The following LAMA3 variants were observed in gnomAD, a reference collection of about 807,000 sequenced individuals.
LAMA3 encodes the protein laminin subunit alpha 3, also known as laminin subunit alpha-3.
A neutral mutation model predicts 402.0 loss-of-function variants in LAMA3; 281 were observed. That is an observed-to-expected ratio of 0.70 (90% confidence interval 0.63 to 0.77). The LOEUF is 0.77. Among genes scored for constraint, LAMA3 ranks in the 30% least tolerant of loss-of-function variants. LAMA3 has a pLI of 0.00. For synonymous variants in LAMA3, 1,431 were observed against 1,558.4 expected (o/e 0.92, Z 1.93); for missense variants, 3,840 against 4,215.5 (o/e 0.91, Z 2.47).
chr18:23,715,176 TTGA>T (rs2061074414), intron 2 of LAMA3, among the ~76,000 whole-genome samples: 2 of 151,962 alleles, frequency 1.3e-5, no homozygotes, highest in Admixed American at 1.3e-4. Flanking sequence ...TGTTCTAAAA[TTGA>T]TGATGATGAT....
intron 12 of LAMA3, among the ~76,000 whole-genome samples, chr18:23,798,715 T>A (rs1426966942): frequency 1.3e-5 from 2 of 152,206 alleles, no homozygotes; most frequent in Non-Finnish European, 2.9e-5. Flanking sequence ...TTTCTGTAGA[T>A]TTAATTCATC....
At chr18:23,827,258 C>T in intron 22 of LAMA3, 56 bp from the exon 23 acceptor site, 1 of 1,567,650 alleles carries the variant, frequency 6.4e-7, no homozygotes. Context: ...CTTTGATATT[C>T]CGTTTGATGT....
chr18:23,826,210 C>G (rs2063379081), intron 21 of LAMA3, among the ~76,000 whole-genome samples: 1 of 152,184 alleles, frequency 6.6e-6, no homozygotes, highest in Admixed American at 6.5e-5. Context: ...ACATGTTCTT[C>G]CTCTCGTTTC....
chr18:23,770,312 T>C (rs962994052), intron 8 of LAMA3, among the ~76,000 whole-genome samples: 1 of 151,976 alleles, frequency 6.6e-6, no homozygotes, highest in African/African-American at 2.4e-5. Flanking sequence ...ACAGAAAATA[T>C]TCACAAAACA....
intron 50 of LAMA3, 94 bp from the exon 51 acceptor site, chr18:23,904,459 A>T: frequency 1.5e-6 from 2 of 1,322,506 alleles, no homozygotes; most frequent in Non-Finnish European, 2.1e-6. Context: ...AAAAAGAAAG[A>T]AAAAATAAAA....
At chr18:23,945,670 G>A (rs2082684093) in intron 69 of LAMA3, among the ~76,000 whole-genome samples, 1 of 152,172 alleles carries the variant, frequency 6.6e-6, no homozygotes, top group African/African-American at 2.4e-5. Context: ...CCAGGGATCA[G>A]AAATTTTAGC....
intron 38 of LAMA3, among the ~76,000 whole-genome samples, chr18:23,875,315 C>T (rs1483994401): frequency 2.0e-5 from 3 of 151,786 alleles, no homozygotes; most frequent in African/African-American, 7.3e-5. Flanking sequence ...AACTAGAATC[C>T]TTTTAAAAAG....
intron 66 of LAMA3, among the ~76,000 whole-genome samples, chr18:23,933,108 G>C (rs1048537917): frequency 3.3e-5 from 5 of 152,214 alleles, no homozygotes; most frequent in African/African-American, 1.2e-4. Context: ...CTCATAGTCA[G>C]ATAAATCCTT....
chr18:23,792,291 A>G (rs773110192), intron 12 of LAMA3, among the ~76,000 whole-genome samples: 5 of 152,202 alleles, frequency 3.3e-5, no homozygotes, highest in Non-Finnish European at 7.3e-5. Flanking sequence ...GCGGGCTGGG[A>G]ACTTCAAGAG....
intron 36 of LAMA3, among the ~76,000 whole-genome samples, chr18:23,867,264 AT>A (rs1180596632): frequency 1.3e-5 from 2 of 151,752 alleles, no homozygotes; most frequent in Admixed American, 6.6e-5. Context: ...AGTTTAAAAA[AT>A]TTTTTTTTCT....
chr18:23,928,661 T>C lies in LAMA3; in HGVS notation c.8332T>C (p.Leu2778=), dbSNP rs757407746. ...TGCCTCATTCTCCAGAGGAGGACAA[T>C]TGAGTTTCACTGATTTGGGCTTACC... ...RSASFSRGGQ[L]SFTDLGLPPT... Residue 2778 remains leucine (L), a synonymous_variant, in exon 64 of 75, where the codon TTG becomes CTG. Transcript: ENST00000313654. 5 of 1,613,864 alleles carry C rather than the reference T, an allele frequency of 3.1e-6. No homozygotes were observed. In the African/African-American group the frequency reaches 5.3e-5, roughly 17 times the overall value.
At chr18:23,898,550 G>C (rs548237719) in intron 44 of LAMA3, 188 bp from the exon 45 acceptor site, 1 of 606,076 alleles carries the variant, frequency 1.6e-6, no homozygotes, top group Non-Finnish European at 2.9e-6. Flanking sequence ...CTTTATTTTA[G>C]AGCCATATCA....
intron 54 of LAMA3, among the ~76,000 whole-genome samples, chr18:23,908,831 A>G (rs2081341635): frequency 6.6e-6 from 1 of 152,242 alleles, no homozygotes; most frequent in Admixed American, 6.5e-5. Flanking sequence ...ATATGCTGGA[A>G]AAAAGGAAGA....
At chr18:23,756,083 T>A (rs181453847) in intron 6 of LAMA3, among the ~76,000 whole-genome samples, 1 of 152,356 alleles carries the variant, frequency 6.6e-6, no homozygotes, top group African/African-American at 2.4e-5. Flanking sequence ...TAATTGGCAA[T>A]GAGCTGAAAT....
At chr18:23,905,351 G>T (rs541066998) in intron 51 of LAMA3, among the ~76,000 whole-genome samples, 171 bp from the exon 52 acceptor site, 1 of 152,060 alleles carries the variant, frequency 6.6e-6, no homozygotes, top group African/African-American at 2.4e-5. Flanking sequence ...ATTCACATAG[G>T]TGTTAGGGCT....
At chr18:23,841,459 C>T (rs373281350) in intron 27 of LAMA3, among the ~76,000 whole-genome samples, 6 of 152,072 alleles carry the variant, frequency 3.9e-5, no homozygotes, top group African/African-American at 1.4e-4. Flanking sequence ...CCAGGGCCAT[C>T]CAGGAGGACT....
At chr18:23,912,922 G>A in intron 56 of LAMA3, 41 bp downstream of exon 56, 1 of 1,576,942 alleles carries the variant, frequency 6.3e-7, no homozygotes, top group East Asian at 2.2e-5. Context: ...TTGAAACAAT[G>A]TTTTTCGAGA....
chr18:23,917,014 T>C (rs2145271192), intron 60 of LAMA3, among the ~76,000 whole-genome samples: 1 of 152,272 alleles, frequency 6.6e-6, no homozygotes, highest in East Asian at 1.9e-4. Context: ...TTTTCTGTCC[T>C]TAAAAATACT....
At chr18:23,795,132 T>C (rs910992381) in intron 12 of LAMA3, among the ~76,000 whole-genome samples, 6 of 152,244 alleles carry the variant, frequency 3.9e-5, no homozygotes, top group Admixed American at 3.3e-4. Flanking sequence ...ACTCTCAGCC[T>C]AGTCTCCTCC....
Sources: allele counts gnomAD v4.1 joint callset (sites outside exome capture counted in the v4.1 genomes callset), GRCh38; gene constraint gnomAD v4.1.1; transcripts MANE v1.5; gene names NCBI Gene and HGNC (gene_info 2026-07-23, HGNC 2026-07-21).